Variants in MAPK14 observed in about 807,000 individuals in gnomAD.
The protein encoded by MAPK14 is mitogen-activated protein kinase 14.
A neutral mutation model predicts 49.6 loss-of-function variants in MAPK14; 16 were observed. The ratio of observed to expected loss-of-function variants is 0.32; its 90% CI spans 0.22 to 0.49. MAPK14 has a LOEUF of 0.49. MAPK14 is among the 20% of genes least tolerant of loss of function. The pLI is 0.99. For missense variants in MAPK14, 200 were observed against 441.2 expected (o/e 0.45, Z 4.90); for synonymous variants, 142 against 158.0 (o/e 0.90, Z 0.76).
At chr6:36,118,609 G>T in the MAPK14 span, among the ~76,000 whole-genome samples, 2 of 152,340 alleles carry the variant, frequency 1.3e-5, no homozygotes, top group African/African-American at 4.8e-5. Flanking sequence ...TGTGTTTCCA[G>T]TGTGAGGTGT....
chr6:36,073,947 T>C, intron 5 of MAPK14, 102 bp from the exon 6 acceptor site: 2 of 970,672 alleles, frequency 2.1e-6, no homozygotes, highest in South Asian at 2.7e-5. Flanking sequence ...TTTTGATAGC[T>C]GGATGAAGTC....
chr6:36,072,039 G>A (rs560517382), intron 3 of MAPK14, among the ~76,000 whole-genome samples: 1 of 152,222 alleles, frequency 6.6e-6, no homozygotes, highest in African/African-American at 2.4e-5. Context: ...GTAGGAATAA[G>A]TATGTAAATG....
rs1295969759 is a variant in MAPK14, at chr6:36,078,450, G to A, written c.682+1842G>A. ...AAGGATGGAACTCCTTGGCAGACTA[G>A]TGTTAGAAAGTTTTCGAAGCAGTGT... is the stretch of plus-strand genomic sequence containing the variant. On this transcript the variant is annotated intron_variant, in intron 8 of 11. Coordinates refer to ENST00000229794, the MANE Select transcript of MAPK14 (RefSeq NM_139012.3). Among the ~76,000 whole-genome samples the A allele has an allele frequency of 4.6e-5, 7 of 152,294 alleles. No homozygotes were observed. The East Asian group carries it at 1.2e-3, about 25-fold the overall frequency.
intron 1 of MAPK14, among the ~76,000 whole-genome samples, chr6:36,036,954 T>C (rs981835131): frequency 1.3e-5 from 2 of 152,164 alleles, no homozygotes; most frequent in African/African-American, 4.8e-5. Flanking sequence ...TTGGCTAGGC[T>C]GGTCTCAAAC....
At chr6:36,067,963 G>A (rs1764125720) in intron 3 of MAPK14, among the ~76,000 whole-genome samples, 1 of 151,946 alleles carries the variant, frequency 6.6e-6, no homozygotes, top group Admixed American at 6.6e-5. Flanking sequence ...ACAACAGTGA[G>A]CATATAAAAA....
At position 36,076,556 on chromosome 6, in the gene MAPK14, A is replaced by G. The variant is rs760735293; in HGVS notation, c.630A>G (p.Gly210=). The change falls in exon 8 of 12, where the codon GGA becomes GGG. Residue 210 remains glycine, a synonymous_variant. Coordinates refer to ENST00000229794, the MANE Select transcript of MAPK14 (RefSeq NM_139012.3). ...YNQTVDIWSV[G]CIMAELLTGR... ...TGCCAGTTGATATTTGGTCAGTGGG[A>G]TGCATAATGGCCGAGCTGTTGACTG... 1 of 1,613,790 alleles carries G rather than the reference A, an allele frequency of 6.2e-7. No individual in the cohort carries two copies. The highest frequency in any genetic ancestry group is 1.1e-5 in the South Asian group (1 of 91,076).
chr6:36,114,844 T>C (rs1360424770), downstream of MAPK14, among the ~76,000 whole-genome samples: 1 of 152,194 alleles, frequency 6.6e-6, no homozygotes, highest in East Asian at 1.9e-4. Context: ...ACTGGGGGTA[T>C]GACTACAAGA....
At chr6:36,075,485 A>G (rs1764494322) in intron 6 of MAPK14, among the ~76,000 whole-genome samples, 1 of 152,032 alleles carries the variant, frequency 6.6e-6, no homozygotes. Flanking sequence ...ATTTTGTTTT[A>G]TGAACATAAC....
chr6:36,118,498 CCACCTCCCTGG>C, the MAPK14 span, among the ~76,000 whole-genome samples: 65,107 of 151,804 alleles, frequency 0.43, 15,209 homozygotes, highest in South Asian at 0.62. Flanking sequence ...CACCTTTGAT[CCACCTCCCTGG>C]CACTCAACTG....
At chr6:36,117,111 G>T in the MAPK14 span, among the ~76,000 whole-genome samples, 1 of 152,178 alleles carries the variant, frequency 6.6e-6, no homozygotes, top group African/African-American at 2.4e-5. Context: ...CCAGGCACTG[G>T]TGCCTTATCT....
At chr6:36,117,252 G>T in the MAPK14 span, among the ~76,000 whole-genome samples, 1 of 152,166 alleles carries the variant, frequency 6.6e-6, no homozygotes, top group Non-Finnish European at 1.5e-5. Context: ...AGCCAAAAGG[G>T]CTCAAGCCAG....
At chr6:36,059,593 C>A (rs1413451732) in intron 3 of MAPK14, among the ~76,000 whole-genome samples, 1 of 152,122 alleles carries the variant, frequency 6.6e-6, no homozygotes, top group Non-Finnish European at 1.5e-5. Flanking sequence ...TACAAAAGTT[C>A]CATGGAGAAA....
the MAPK14 span, among the ~76,000 whole-genome samples, chr6:36,121,067 C>A: frequency 1.3e-5 from 2 of 152,062 alleles, no homozygotes; most frequent in African/African-American, 4.8e-5. Flanking sequence ...CCCCACCCCC[C>A]CTCCTTGGCA....
At chr6:36,087,111 ACT>A (rs1309500162) in intron 8 of MAPK14, among the ~76,000 whole-genome samples, 2 of 152,170 alleles carry the variant, frequency 1.3e-5, no homozygotes, top group Non-Finnish European at 2.9e-5. Context: ...CATGTTAAAA[ACT>A]CTCAGTAAAC....
intron 8 of MAPK14, among the ~76,000 whole-genome samples, chr6:36,085,416 T>G (rs1489162443): frequency 6.6e-6 from 1 of 152,128 alleles, no homozygotes; most frequent in African/African-American, 2.4e-5. Context: ...GCTGTTGTAT[T>G]CAAGAGACCC....
intron 8 of MAPK14, among the ~76,000 whole-genome samples, chr6:36,085,933 A>G (rs1764965588): frequency 6.6e-6 from 1 of 152,230 alleles, no homozygotes; most frequent in South Asian, 2.1e-4. Flanking sequence ...GTAACTGCAA[A>G]AGAACTGAAA....
chr6:36,045,237 A>G (rs757521990), intron 1 of MAPK14, among the ~76,000 whole-genome samples: 1 of 152,192 alleles, frequency 6.6e-6, no homozygotes, highest in Non-Finnish European at 1.5e-5. Flanking sequence ...TGGATGCTCT[A>G]AAAAGAAAAC....
chr6:36,063,702 A>G (rs1763922837), intron 3 of MAPK14, among the ~76,000 whole-genome samples: 1 of 152,248 alleles, frequency 6.6e-6, no homozygotes, highest in African/African-American at 2.4e-5. Flanking sequence ...AACAATAGGT[A>G]GTGCATTTTG....
chr6:36,117,464 C>T, the MAPK14 span, among the ~76,000 whole-genome samples: 1 of 152,192 alleles, frequency 6.6e-6, no homozygotes, highest in Non-Finnish European at 1.5e-5. Flanking sequence ...TGACATCACT[C>T]CCTCAGTAAA....
Sources: gnomAD v4.1 joint callset for allele counts (sites outside exome capture counted in the v4.1 genomes callset) on GRCh38, gnomAD v4.1.1 for gene constraint, MANE v1.5 for transcripts, NCBI Gene and HGNC (gene_info 2026-07-23, HGNC 2026-07-21) for gene names.